The following CNTN4 variants were observed in gnomAD, a reference collection of about 807,000 sequenced individuals.
The protein encoded by CNTN4 is contactin-4.
Under a neutral mutation model 122.5 loss-of-function variants are expected in CNTN4, and 77 were observed. The observed-to-expected ratio is 0.63, with a 90% CI of 0.52 to 0.76. The LOEUF (loss-of-function observed/expected upper bound fraction) is 0.76. Among genes scored for constraint, CNTN4 ranks in the 30% least tolerant of loss-of-function variants. The pLI is 0.00. For synonymous variants in CNTN4, 512 were observed against 447.0 expected (o/e 1.15, Z -1.83); for missense variants, 1,256 against 1,259.1 (o/e 1.00, Z 0.04).
intron 7 of CNTN4, among the ~76,000 whole-genome samples, chr3:2,827,236 C>G (rs887138050): frequency 6.6e-6 from 1 of 152,142 alleles, no homozygotes; most frequent in African/African-American, 2.4e-5. Flanking sequence ...GGCTCCCTCT[C>G]CTTACCCATA....
At chr3:2,102,393 G>T (rs1327791928) in intron 2 of CNTN4, among the ~76,000 whole-genome samples, 1 of 152,176 alleles carries the variant, frequency 6.6e-6, no homozygotes, top group African/African-American at 2.4e-5. Flanking sequence ...ACGGCATCAC[G>T]ATAGGGATTA....
chr3:2,660,185 A>C (rs983107135), intron 4 of CNTN4, among the ~76,000 whole-genome samples: 1 of 151,710 alleles, frequency 6.6e-6, no homozygotes, highest in Admixed American at 6.6e-5. Flanking sequence ...GCACGCACTG[A>C]TTTCTCAAGG....
chr3:2,918,945 C>T (rs1228294708), intron 12 of CNTN4, among the ~76,000 whole-genome samples: 40 of 152,162 alleles, frequency 2.6e-4, no homozygotes, highest in Admixed American at 6.5e-5. Context: ...TTCTTTCCTG[C>T]AACATACATT....
intron 2 of CNTN4, among the ~76,000 whole-genome samples, chr3:2,233,765 G>C (rs915640267): frequency 4.6e-5 from 7 of 152,014 alleles, no homozygotes; most frequent in African/African-American, 1.2e-4. Flanking sequence ...TAATTTTGTG[G>C]ATGAAGAAGT....
chr3:2,937,680 A>G (rs923042986), intron 13 of CNTN4, among the ~76,000 whole-genome samples: 1 of 152,220 alleles, frequency 6.6e-6, no homozygotes, highest in African/African-American at 2.4e-5. Flanking sequence ...TTTAGAAACC[A>G]CCAGTGAAGC....
intron 3 of CNTN4, among the ~76,000 whole-genome samples, chr3:2,447,368 T>C (rs1481404825): frequency 6.6e-6 from 1 of 152,132 alleles, no homozygotes; most frequent in Non-Finnish European, 1.5e-5. Flanking sequence ...AATAAAGACT[T>C]AATAATTATT....
At chr3:2,564,991 A>C (rs1359397360) in intron 3 of CNTN4, among the ~76,000 whole-genome samples, 2 of 152,104 alleles carry the variant, frequency 1.3e-5, no homozygotes, top group Non-Finnish European at 2.9e-5. Context: ...TATGGTTAGA[A>C]TCTTCACAAG....
chr3:2,397,946 G>A (rs1410016508), intron 3 of CNTN4, among the ~76,000 whole-genome samples: 1 of 152,102 alleles, frequency 6.6e-6, no homozygotes, highest in Non-Finnish European at 1.5e-5. Flanking sequence ...AGAAAATGAA[G>A]AGTGTATTCA....
At chr3:2,494,514 C>T (rs2076401706) in intron 3 of CNTN4, among the ~76,000 whole-genome samples, 1 of 152,048 alleles carries the variant, frequency 6.6e-6, no homozygotes, top group Admixed American at 6.6e-5. Context: ...GTAGATGAAG[C>T]TTCCAGGTAG....
At chr3:2,168,158 C>T (rs779497143) in intron 2 of CNTN4, among the ~76,000 whole-genome samples, 1 of 152,030 alleles carries the variant, frequency 6.6e-6, no homozygotes, top group East Asian at 1.9e-4. Context: ...AAGTTATACT[C>T]TACAAATGTA....
At chr3:2,677,992 C>T (rs149839971) in intron 4 of CNTN4, among the ~76,000 whole-genome samples, 101 of 152,124 alleles carry the variant, frequency 6.6e-4, no homozygotes, top group African/African-American at 2.2e-3. Context: ...CTCAGAATTG[C>T]GGACCAATGT....
rs569489383 is a variant in CNTN4, at chr3:2,185,521, A to G, written c.-145+84882A>G. On this transcript the variant is annotated intron_variant, in intron 2 of 24. Coordinates refer to ENST00000418658, the MANE Select transcript of CNTN4 (RefSeq NM_175607.3). ...CTTTCCATATGCTCTAAGTGGATCT[A>G]TAAAACATGGGAAGGTGCCATATCC... is the stretch of plus-strand genomic sequence containing the variant. 2.9e-3 allele frequency among the ~76,000 whole-genome samples: 435 copies of G among 152,270 alleles called. 2 individuals carry two copies. The highest frequency in any genetic ancestry group is 4.0e-3 in the Admixed American group (61 of 15,284).
intron 2 of CNTN4, among the ~76,000 whole-genome samples, chr3:2,240,018 T>A (rs1487307257): frequency 6.6e-6 from 1 of 152,206 alleles, no homozygotes; most frequent in Non-Finnish European, 1.5e-5. Flanking sequence ...CATTAAAATA[T>A]CTGTTTTCTT....
At chr3:3,014,879 G>GTTT (rs5846238) in intron 14 of CNTN4, among the ~76,000 whole-genome samples, 31 of 121,540 alleles carry the variant, frequency 2.6e-4, no homozygotes, top group African/African-American at 2.5e-4. Flanking sequence ...CCCTCGATTG[G>GTTT]TTTTTTTTTT....
chr3:2,535,721 T>C (rs1428094961), intron 3 of CNTN4, among the ~76,000 whole-genome samples: 1 of 152,204 alleles, frequency 6.6e-6, no homozygotes, highest in Non-Finnish European at 1.5e-5. Flanking sequence ...GGTAGTTGTA[T>C]ATTTTGATGT....
chr3:2,179,653 C>T (rs2036922825), intron 2 of CNTN4, among the ~76,000 whole-genome samples: 1 of 151,826 alleles, frequency 6.6e-6, no homozygotes, highest in Admixed American at 6.6e-5. Context: ...CACTTATTTA[C>T]ACTCAGTGTT....
At chr3:2,510,936 T>G (rs2076868842) in intron 3 of CNTN4, among the ~76,000 whole-genome samples, 1 of 152,104 alleles carries the variant, frequency 6.6e-6, no homozygotes. Context: ...CCTTTTGCTT[T>G]GAATGCCCTG....
intron 4 of CNTN4, among the ~76,000 whole-genome samples, chr3:2,671,265 T>A (rs1264255331): frequency 6.6e-6 from 1 of 152,186 alleles, no homozygotes; most frequent in Non-Finnish European, 1.5e-5. Context: ...ATAGTCCCAT[T>A]TTTCTTGGAG....
chr3:2,779,740 T>C (rs2091492721), intron 6 of CNTN4, among the ~76,000 whole-genome samples: 1 of 152,172 alleles, frequency 6.6e-6, no homozygotes, highest in South Asian at 2.1e-4. Context: ...AACAGGATAA[T>C]GTATTTGAAG....
Sources: gnomAD v4.1 joint callset for allele counts (sites outside exome capture counted in the v4.1 genomes callset) on GRCh38, gnomAD v4.1.1 for gene constraint, MANE v1.5 for transcripts, NCBI Gene and HGNC (gene_info 2026-07-23, HGNC 2026-07-21) for gene names.